Variants in MGA observed in about 807,000 individuals in gnomAD.
MGA encodes the protein MAX dimerization protein MGA.
In MGA, 40 loss-of-function variants were observed where a neutral mutation model predicts 261.1. The ratio of observed to expected loss-of-function variants is 0.15; its 90% CI spans 0.12 to 0.20. The LOEUF (loss-of-function observed/expected upper bound fraction) is 0.20, where lower values mean the gene tolerates loss of function less well. Ranked by LOEUF, MGA falls within the 10% of genes least tolerant of loss-of-function variation. The pLI, the probability that MGA is intolerant of heterozygous loss-of-function variation, is 1.00. For synonymous variants in MGA, 1,302 were observed against 1,290.6 expected, an observed-to-expected ratio of 1.01 and a Z score of -0.19; for missense variants, 3,397 against 3,630.5, an observed-to-expected ratio of 0.94 and a Z score of 1.65.
intron 9 of MGA, among the ~76,000 whole-genome samples, chr15:41,715,308 C>T (rs898078551): frequency 6.6e-5 from 10 of 151,448 alleles, no homozygotes; most frequent in African/African-American, 2.4e-4. Context: ...CACCACCACA[C>T]CTGGCTAATT....
In MGA at chr15:41,736,558, G is replaced by A. The variant is rs2061788080; in HGVS notation, c.4294G>A (p.Val1432Met). 6.2e-7 allele frequency: 1 copy of A among 1,614,018 alleles called. No individual in the cohort carries two copies. The change falls in exon 13 of 24, where the codon GTG becomes ATG. Residue 1432 changes from valine to methionine, a missense_variant. Physicochemically the swap from Val to Met is conservative, Grantham distance 21 (BLOSUM62 1). Transcript: ENST00000219905. Reference sequence around the variant, plus strand: ...TGGGAAAATGGAGGATATCTCTCCTGTGCAGACAGATGCCCTGGATTCAGT... The same window carrying A: ...TGGGAAAATGGAGGATATCTCTCCTATGCAGACAGATGCCCTGGATTCAGT...
At chr15:41,635,467 T>C (rs571212173) in intron 1 of MGA, among the ~76,000 whole-genome samples, 156 of 152,084 alleles carry the variant, frequency 1.0e-3, no homozygotes, top group Non-Finnish European at 1.7e-3. Flanking sequence ...CCCAGCACTT[T>C]GGGAGGCCAA....
intron 1 of MGA, among the ~76,000 whole-genome samples, chr15:41,624,546 G>A (rs764293560): frequency 1.8e-4 from 27 of 152,134 alleles, no homozygotes; most frequent in Non-Finnish European, 1.0e-4. Context: ...TATTGGCCAG[G>A]CTGGTCTCGA....
chr15:41,684,790 A>G (rs1260935262), intron 2 of MGA: 1 of 158,956 alleles, frequency 6.3e-6, no homozygotes. Flanking sequence ...TGTCATTTAT[A>G]TGTGATATAC....
chr15:41,645,770 C>G (rs1242044490), intron 1 of MGA, among the ~76,000 whole-genome samples: 1 of 152,158 alleles, frequency 6.6e-6, no homozygotes, highest in African/African-American at 2.4e-5. Context: ...GATATATTCA[C>G]TACAACTTTG....
chr15:41,649,711 T>G (rs2057003360), intron 1 of MGA, among the ~76,000 whole-genome samples: 1 of 152,116 alleles, frequency 6.6e-6, no homozygotes. Context: ...CTGGAGTCTC[T>G]CTCTGTCACC....
In MGA at chr15:41,710,911, C is replaced by T. The variant is rs1005777766; in HGVS notation, c.2646C>T (p.Thr882=). 6.2e-7 allele frequency: 1 copy of T among 1,613,942 alleles called. No individual in the cohort carries two copies. Among genetic ancestry groups the T allele is most frequent in the Non-Finnish European group, 8.5e-7 (1 of 1,179,858 alleles). ...AGCAATCTACTATTTCCCCTTCTAC[C>T]TCTTATTCTTTGAAACCTCATTCTG... Residue 882 remains threonine, a synonymous_variant, in exon 8 of 24, where the codon ACC becomes ACT. Transcript: ENST00000219905.
intron 19 of MGA, 31 bp downstream of exon 19, chr15:41,757,870 C>A (rs2063233264): frequency 1.9e-6 from 3 of 1,541,936 alleles, no homozygotes; most frequent in Non-Finnish European, 2.7e-6. Flanking sequence ...GATAATTACT[C>A]ATTGAATAAA....
chr15:41,696,225 A>G lies in MGA; in HGVS notation c.1215A>G (p.Glu405=). The G allele has an allele frequency of 6.2e-7, 1 of 1,613,974 alleles. No homozygotes were observed. The highest frequency in any genetic ancestry group is 8.5e-7 in the Non-Finnish European group (1 of 1,179,868). The change falls in exon 3 of 24, where the codon GAA becomes GAG. Residue 405 remains glutamate, a synonymous_variant. Coordinates refer to ENST00000219905, the MANE Select transcript of MGA (RefSeq NM_001164273.2). Reference sequence around the variant, plus strand: ...CAGAAGGGGTCACTGTGAAACAGGAAGAGACAGATGAAGAGACGGATGTAT... The same window carrying G: ...CAGAAGGGGTCACTGTGAAACAGGAGGAGACAGATGAAGAGACGGATGTAT...
intron 7 of MGA, among the ~76,000 whole-genome samples, chr15:41,710,469 G>A (rs771761713): frequency 3.3e-5 from 5 of 151,938 alleles, no homozygotes; most frequent in Admixed American, 6.6e-5. Context: ...TCCTTGTTAC[G>A]TTACTTAGGC....
chr15:41,668,845 G>T lies in MGA; in HGVS notation c.-50G>T. The T allele has an allele frequency of 7.3e-7, 1 of 1,365,048 alleles. No individual in the cohort carries two copies. Among genetic ancestry groups the T allele is most frequent in the South Asian group, 1.7e-5 (1 of 58,314 alleles). The allele number at this position is 1,365,048 out of a possible 1,614,324, so 84.6% of individuals were successfully genotyped here. A position where few individuals can be genotyped will look rare whatever the true frequency, so the allele number is the denominator to read the frequency against. ...TTTCTTAGGATGGGAAGGCCATTGTGACTATGTGGTGATTACAGTTGTCTT... is the reference window on the plus strand; with the variant it reads ...TTTCTTAGGATGGGAAGGCCATTGTTACTATGTGGTGATTACAGTTGTCTT... On this transcript the variant is annotated 5_prime_UTR_variant, in exon 2 of 24. It removes the in-frame stop codon of an upstream open reading frame in the 5' UTR. Transcript: ENST00000219905.
At chr15:41,664,724 GTTTGAATTATACATCAT>G in intron 1 of MGA, among the ~76,000 whole-genome samples, 1 of 152,148 alleles carries the variant, frequency 6.6e-6, no homozygotes, top group Non-Finnish European at 1.5e-5. Context: ...AGTTTGCATT[GTTTGAATTATACATCAT>G]TGTAGAGGTA....
intron 2 of MGA, 123 bp downstream of exon 2, chr15:41,670,081 ATAC>A: frequency 1.3e-6 from 1 of 756,066 alleles, no homozygotes; most frequent in South Asian, 2.0e-5. Context: ...ACTATAAAAT[ATAC>A]TACAACTGCT....
Position 41,736,548 on chromosome 15 carries a change from T to G in MGA, c.4284T>G (p.Asp1428Glu). ...CATTGTCCCCTGGGAAAATGGAGGATATCTCTCCTGTGCAGACAGATGCCC... is the reference window on the plus strand; with the variant it reads ...CATTGTCCCCTGGGAAAATGGAGGAGATCTCTCCTGTGCAGACAGATGCCC... Residue 1428 changes from aspartate (D) to glutamate (E), a missense_variant, in exon 13 of 24, where the codon GAT (aspartate) becomes GAG (glutamate). Asp to Glu is a conservative substitution (Grantham distance 45, BLOSUM62 2). Coordinates refer to ENST00000219905, the MANE Select transcript of MGA (RefSeq NM_001164273.2). 6.2e-7 allele frequency: 1 copy of G among 1,614,056 alleles called. No homozygotes were observed. Among genetic ancestry groups the G allele is most frequent in the Non-Finnish European group, 8.5e-7 (1 of 1,179,908 alleles).
chr15:41,683,165 A>G lies in MGA; in HGVS notation c.1065-12910A>G, dbSNP rs1039407044. ...TCAGAACCTTTTATTGATCCCTCATATTATGAAATTTCAGTTATAAACCTT... is the reference window on the plus strand; with the variant it reads ...TCAGAACCTTTTATTGATCCCTCATGTTATGAAATTTCAGTTATAAACCTT... On this transcript the variant is annotated intron_variant, in intron 2 of 23. Transcript: ENST00000219905. Among the ~76,000 whole-genome samples, 2 of 152,056 alleles carry G rather than the reference A, an allele frequency of 1.3e-5. 1 individual carries two copies. The highest frequency in any genetic ancestry group is 2.9e-5 in the Non-Finnish European group (2 of 68,002).
At chr15:41,622,762 G>A (rs1227984883) in intron 1 of MGA, among the ~76,000 whole-genome samples, 1 of 152,060 alleles carries the variant, frequency 6.6e-6, no homozygotes, top group Non-Finnish European at 1.5e-5. Flanking sequence ...ACCAGCCTTT[G>A]GTATTTTTCT....
At chr15:41,738,758 G>T (rs559461128) in intron 13 of MGA, among the ~76,000 whole-genome samples, 3 of 152,160 alleles carry the variant, frequency 2.0e-5, no homozygotes, top group Non-Finnish European at 2.9e-5. Context: ...GATCCGGGAG[G>T]GGGTATCTGA....
At chr15:41,719,962 A>G (rs955798566) in intron 9 of MGA, among the ~76,000 whole-genome samples, 2 of 147,038 alleles carry the variant, frequency 1.4e-5, no homozygotes, top group Non-Finnish European at 3.1e-5. Flanking sequence ...TTATTTAAAA[A>G]ATAACTTAGC....
upstream of MGA, among the ~76,000 whole-genome samples, chr15:41,657,376 T>C (rs1294445542): frequency 7.6e-6 from 1 of 132,404 alleles, no homozygotes; most frequent in Non-Finnish European, 1.5e-5. Context: ...TTTTTTGAGA[T>C]GGAGTCTTGC....
Sources: allele counts gnomAD v4.1 joint callset (sites outside exome capture counted in the v4.1 genomes callset), GRCh38; gene constraint gnomAD v4.1.1; transcripts MANE v1.5; gene names NCBI Gene and HGNC (gene_info 2026-07-23, HGNC 2026-07-21).